HUNK: variants seen among roughly 807,000 people sequenced by gnomAD.
The protein encoded by HUNK is hormonally up-regulated Neu-associated kinase, also known as hormonally up-regulated neu tumor-associated kinase.
Under a neutral mutation model 61.0 loss-of-function variants are expected in HUNK, and 21 were observed. The observed-to-expected ratio is 0.34, with a 90% CI of 0.24 to 0.50. The LOEUF (loss-of-function observed/expected upper bound fraction) is 0.50, where lower values mean the gene tolerates loss of function less well. HUNK is among the 20% of genes least tolerant of loss of function. The probability of loss-of-function intolerance (pLI) is 0.98; values close to 1 mark genes in which losing one functional copy is unlikely to be tolerated. For missense variants in HUNK, 772 were observed against 945.7 expected (o/e 0.82, Z 2.41); for synonymous variants, 371 against 386.1 (o/e 0.96, Z 0.46).
intron 1 of HUNK, among the ~76,000 whole-genome samples, chr21:31,908,194 T>C (rs1341084307): frequency 6.6e-6 from 1 of 151,816 alleles, no homozygotes; most frequent in Non-Finnish European, 1.5e-5. Context: ...CTAGTCAAAA[T>C]AAACTTTGTT....
chr21:31,987,212 A>C (rs1487934710), intron 8 of HUNK, among the ~76,000 whole-genome samples: 2 of 152,314 alleles, frequency 1.3e-5, no homozygotes, highest in Non-Finnish European at 1.5e-5. Flanking sequence ...CCTAGCACAC[A>C]TATGACGTTA....
At position 31,907,660 on chromosome 21, in the gene HUNK, G is replaced by C. The variant is rs565624025; in HGVS notation, c.262-16808G>C. On this transcript the variant is annotated intron_variant, in intron 1 of 10. Transcript: ENST00000270112. Reference sequence around the variant, plus strand: ...AAGTAGAGAGGAGTCACAACCACGTGAACATATTTCACACCTCTGATCTGT... The same window carrying C: ...AAGTAGAGAGGAGTCACAACCACGTCAACATATTTCACACCTCTGATCTGT... Among the ~76,000 whole-genome samples, 501 of 152,284 alleles carry C rather than the reference G, an allele frequency of 3.3e-3. 1 individual carries two copies. The highest frequency in any genetic ancestry group is 0.011 in the African/African-American group (463 of 41,550).
chr21:31,936,644 T>G (rs1373501091), intron 2 of HUNK, among the ~76,000 whole-genome samples: 1 of 152,254 alleles, frequency 6.6e-6, no homozygotes, highest in East Asian at 1.9e-4. Context: ...TGAACTGATT[T>G]TATTTTTTTC....
At chr21:31,933,328 C>T (rs936342463) in intron 2 of HUNK, among the ~76,000 whole-genome samples, 10 of 152,190 alleles carry the variant, frequency 6.6e-5, no homozygotes, top group African/African-American at 9.6e-5. Context: ...GGGCCATTCT[C>T]TTCTCCTTCA....
At position 32,000,147 on chromosome 21, in the gene HUNK, A is replaced by T; in HGVS notation, c.*963A>T. 2.5e-6 allele frequency: 1 copy of T among 398,900 alleles called. No homozygotes were observed. Among genetic ancestry groups the T allele is most frequent in the East Asian group, 3.6e-5 (1 of 28,076 alleles). The allele number at this position is 398,900 out of a possible 1,614,324, so 24.7% of individuals were successfully genotyped here. On this transcript the variant is annotated 3_prime_UTR_variant, in exon 11 of 11. Transcript: ENST00000270112. ...TACAGCTGGTTCTGTAGAAAGAGGG[A>T]AAAGATGATTGTGACAATTCAGAGC...
At chr21:31,942,691 G>C (rs1039915622) in intron 3 of HUNK, among the ~76,000 whole-genome samples, 4 of 152,108 alleles carry the variant, frequency 2.6e-5, no homozygotes, top group African/African-American at 9.7e-5. Context: ...TGGCTGGGTG[G>C]GCACTACAAA....
chr21:31,950,450 C>T (rs1245243558), intron 4 of HUNK, among the ~76,000 whole-genome samples: 4 of 152,132 alleles, frequency 2.6e-5, no homozygotes, highest in Non-Finnish European at 5.9e-5. Context: ...TGAGTGGAGA[C>T]GGCCAGGTGG....
At chr21:31,892,720 T>G (rs1275819137) in intron 1 of HUNK, among the ~76,000 whole-genome samples, 1 of 152,202 alleles carries the variant, frequency 6.6e-6, no homozygotes, top group Non-Finnish European at 1.5e-5. Flanking sequence ...CCACTCAGTT[T>G]ATCATAGATA....
rs142114271 is a variant in HUNK at position 31,890,469 on chromosome 21, T to G, written c.261+16534T>G. On this transcript the variant is annotated intron_variant, in intron 1 of 10. Transcript: ENST00000270112. ...GTCTCGAACTCCTGACCTCAGGTGATCCACTCTGCCTTGGCCTCCCAAAGT... is the reference window on the plus strand; with the variant it reads ...GTCTCGAACTCCTGACCTCAGGTGAGCCACTCTGCCTTGGCCTCCCAAAGT... Among the ~76,000 whole-genome samples, 345 of 152,306 alleles carry G rather than the reference T, an allele frequency of 2.3e-3. 2 individuals carry two copies. The highest frequency in any genetic ancestry group is 0.017 in the South Asian group (80 of 4,826).
chr21:31,953,489 C>T (rs774959961), intron 4 of HUNK, among the ~76,000 whole-genome samples: 7 of 152,208 alleles, frequency 4.6e-5, no homozygotes, highest in Non-Finnish European at 1.0e-4. Flanking sequence ...CCACCTCAGC[C>T]TCCTGAAATG....
intron 1 of HUNK, among the ~76,000 whole-genome samples, chr21:31,879,289 C>T (rs2052288753): frequency 6.6e-6 from 1 of 152,194 alleles, no homozygotes; most frequent in Admixed American, 6.5e-5. Flanking sequence ...TAATCCTTGG[C>T]AGGGACTTCT....
At chr21:31,951,478 A>G (rs2052849442) in intron 4 of HUNK, among the ~76,000 whole-genome samples, 1 of 152,188 alleles carries the variant, frequency 6.6e-6, no homozygotes, top group Non-Finnish European at 1.5e-5. Flanking sequence ...TGAGAGTTCT[A>G]TACCGAGAAG....
intron 9 of HUNK, among the ~76,000 whole-genome samples, chr21:31,993,838 C>G (rs1359646422): frequency 6.6e-6 from 1 of 152,138 alleles, no homozygotes; most frequent in Admixed American, 6.5e-5. Context: ...AGATAACGTC[C>G]TGGAGCACAT....
At chr21:31,936,472 A>G (rs1396234353) in intron 2 of HUNK, among the ~76,000 whole-genome samples, 3 of 152,212 alleles carry the variant, frequency 2.0e-5, no homozygotes, top group Admixed American at 1.3e-4. Context: ...TCACCCTCCC[A>G]TTAACTAGCC....
At chr21:31,879,634 A>G (rs181067788) in intron 1 of HUNK, among the ~76,000 whole-genome samples, 103 of 152,236 alleles carry the variant, frequency 6.8e-4, no homozygotes, top group Non-Finnish European at 1.4e-3. Flanking sequence ...AATCCGACTC[A>G]GGTCTGTGAG....
At chr21:31,984,504 C>T (rs2053119821) in intron 8 of HUNK, among the ~76,000 whole-genome samples, 1 of 152,184 alleles carries the variant, frequency 6.6e-6, no homozygotes, top group African/African-American at 2.4e-5. Flanking sequence ...ATCAGGCAGG[C>T]TTTCCTGGCC....
intron 5 of HUNK, among the ~76,000 whole-genome samples, chr21:31,965,007 T>G (rs1221648776): frequency 6.6e-6 from 1 of 152,138 alleles, no homozygotes; most frequent in Non-Finnish European, 1.5e-5. Context: ...CCGCTCCAAT[T>G]CATTAAGCCC....
intron 1 of HUNK, among the ~76,000 whole-genome samples, chr21:31,896,104 G>A (rs972055286): frequency 2.0e-5 from 3 of 152,216 alleles, no homozygotes; most frequent in African/African-American, 7.2e-5. Context: ...CACACGCCAA[G>A]GAGAAGGGCC....
chr21:31,995,337 A>G (rs2053197150), intron 9 of HUNK, among the ~76,000 whole-genome samples: 1 of 152,200 alleles, frequency 6.6e-6, no homozygotes, highest in African/African-American at 2.4e-5. Flanking sequence ...GACTGCCCCA[A>G]ATAGAACCTG....
Sources: gnomAD v4.1 joint callset for allele counts (sites outside exome capture counted in the v4.1 genomes callset) on GRCh38, gnomAD v4.1.1 for gene constraint, MANE v1.5 for transcripts, NCBI Gene and HGNC (gene_info 2026-07-23, HGNC 2026-07-21) for gene names.